The following GRID2 variants were observed in gnomAD, a reference collection of about 807,000 sequenced individuals.
The protein encoded by GRID2 is glutamate receptor ionotropic, delta-2.
Under a neutral mutation model 114.8 loss-of-function variants are expected in GRID2, and 33 were observed. That is an observed-to-expected ratio of 0.29 (90% CI 0.22 to 0.38). The LOEUF (loss-of-function observed/expected upper bound fraction) is 0.38. Ranked by LOEUF, GRID2 falls within the 10% of genes least tolerant of loss-of-function variation. GRID2 has a pLI of 1.00. For synonymous variants in GRID2, 505 were observed against 449.9 expected, an observed-to-expected ratio of 1.12 and a Z score of -1.55; for missense variants, 1,184 against 1,257.7, an observed-to-expected ratio of 0.94 and a Z score of 0.89.
chr4:92,676,251 G>A (rs1358745751), intron 2 of GRID2, among the ~76,000 whole-genome samples: 1 of 1,592 alleles, frequency 6.3e-4, no homozygotes, highest in Non-Finnish European at 1.1e-3. Flanking sequence ...CGCTATCTCG[G>A]CTCACTGCAA....
intron 14 of GRID2, among the ~76,000 whole-genome samples, chr4:93,675,717 A>C (rs564187126): frequency 6.6e-6 from 1 of 152,202 alleles, no homozygotes; most frequent in Non-Finnish European, 1.5e-5. Flanking sequence ...TAGGAGAGAA[A>C]GGGGAAAATG....
At chr4:93,547,993 A>G (rs996919240) in intron 13 of GRID2, among the ~76,000 whole-genome samples, 5 of 152,132 alleles carry the variant, frequency 3.3e-5, no homozygotes, top group African/African-American at 1.2e-4. Context: ...CCTGACCAAG[A>G]TGGCGAAACC....
At chr4:92,548,769 T>C (rs1726414657) in intron 1 of GRID2, among the ~76,000 whole-genome samples, 1 of 152,022 alleles carries the variant, frequency 6.6e-6, no homozygotes, top group African/African-American at 2.4e-5. Context: ...CATGGCAGCA[T>C]CTGGTCATAT....
chr4:92,342,836 C>T (rs1010111925), intron 1 of GRID2, among the ~76,000 whole-genome samples: 1 of 152,112 alleles, frequency 6.6e-6, no homozygotes, highest in Non-Finnish European at 1.5e-5. Context: ...ACTAATTGTG[C>T]TATATTCTCT....
intron 14 of GRID2, among the ~76,000 whole-genome samples, chr4:93,737,868 A>T (rs1247970769): frequency 6.6e-6 from 1 of 152,174 alleles, no homozygotes. Context: ...GAAACTTAAC[A>T]TATTCACTCA....
intron 14 of GRID2, among the ~76,000 whole-genome samples, chr4:93,725,130 C>T (rs1317714676): frequency 6.6e-6 from 1 of 152,102 alleles, no homozygotes; most frequent in Non-Finnish European, 1.5e-5. Flanking sequence ...CTATCACTCA[C>T]CCCTCCCCCC....
At chr4:93,246,231 G>A (rs746357053) in intron 8 of GRID2, among the ~76,000 whole-genome samples, 42 of 152,140 alleles carry the variant, frequency 2.8e-4, no homozygotes, top group Non-Finnish European at 5.4e-4. Context: ...TTCAATTACT[G>A]TCCTAGTTCC....
At chr4:93,191,320 C>G (rs1740961885) in intron 4 of GRID2, among the ~76,000 whole-genome samples, 1 of 152,076 alleles carries the variant, frequency 6.6e-6, no homozygotes, top group South Asian at 2.1e-4. Context: ...TCTTACTACT[C>G]TGTATATCAG....
chr4:93,013,440 C>A (rs1176619789), intron 2 of GRID2, among the ~76,000 whole-genome samples: 3 of 151,898 alleles, frequency 2.0e-5, no homozygotes, highest in Non-Finnish European at 4.4e-5. Flanking sequence ...AGCCTACATA[C>A]ACTATCCATA....
intron 4 of GRID2, among the ~76,000 whole-genome samples, chr4:93,184,052 A>G (rs1338216628): frequency 6.6e-6 from 1 of 152,202 alleles, no homozygotes; most frequent in Non-Finnish European, 1.5e-5. Flanking sequence ...TGAGGAAGTG[A>G]AGCCTTCCCA....
intron 1 of GRID2, among the ~76,000 whole-genome samples, chr4:93,785,680 G>A (rs914172002): frequency 2.6e-5 from 4 of 152,304 alleles, no homozygotes; most frequent in Admixed American, 6.5e-5. Context: ...AGACTTTAAA[G>A]CGGTGACCTG....
intron 2 of GRID2, among the ~76,000 whole-genome samples, chr4:93,062,116 A>C (rs1727860782): frequency 6.6e-6 from 1 of 152,150 alleles, no homozygotes; most frequent in Non-Finnish European, 1.5e-5. Flanking sequence ...TTTTATTCCC[A>C]GGAGCTATAT....
At chr4:92,731,045 T>G (rs1736305446) in intron 2 of GRID2, among the ~76,000 whole-genome samples, 1 of 151,854 alleles carries the variant, frequency 6.6e-6, no homozygotes, top group Admixed American at 6.6e-5. Context: ...TATGTGGTGG[T>G]TTAAGCTTTC....
At chr4:93,103,007 T>C (rs1731846541) in intron 3 of GRID2, among the ~76,000 whole-genome samples, 1 of 151,950 alleles carries the variant, frequency 6.6e-6, no homozygotes, top group Admixed American at 6.6e-5. Flanking sequence ...AAGGAAACAT[T>C]CAGGATGAAC....
intron 10 of GRID2, among the ~76,000 whole-genome samples, chr4:93,445,898 A>G (rs1350306708): frequency 1.3e-5 from 2 of 151,998 alleles, no homozygotes; most frequent in Non-Finnish European, 2.9e-5. Context: ...ATATGATATG[A>G]CAAATAAATA....
chr4:92,709,012 G>T (rs1019466221), intron 2 of GRID2, among the ~76,000 whole-genome samples: 1 of 152,140 alleles, frequency 6.6e-6, no homozygotes, highest in African/African-American at 2.4e-5. Flanking sequence ...CCAGGAAATA[G>T]AACTCACAGG....
Position 93,626,262 on chromosome 4 carries a change from T to C in GRID2, c.2194-7T>C, listed in dbSNP as rs777587991. On this transcript the variant is annotated splice_region_variant and splice_polypyrimidine_tract_variant and intron_variant, in intron 13 of 15. Transcript: ENST00000282020. ...TATTTCTTCTTTTGTTCTTCATTTTTTCACAGGTAAAATATGGAAATTATG... is the reference window on the plus strand; with the variant it reads ...TATTTCTTCTTTTGTTCTTCATTTTCTCACAGGTAAAATATGGAAATTATG... 6.4e-7 allele frequency: 1 copy of C among 1,558,554 alleles called. No individual in the cohort carries two copies.
chr4:93,803,623 G>A (rs759576117), intron 1 of GRID2, among the ~76,000 whole-genome samples: 3 of 152,070 alleles, frequency 2.0e-5, no homozygotes, highest in Non-Finnish European at 4.4e-5. Flanking sequence ...TCGGGAGGCT[G>A]AGGCAGAAGA....
At chr4:93,596,140 G>C (rs1739062349) in intron 13 of GRID2, among the ~76,000 whole-genome samples, 1 of 152,032 alleles carries the variant, frequency 6.6e-6, no homozygotes, top group Non-Finnish European at 1.5e-5. Flanking sequence ...GTTCACTATT[G>C]AGCCATTCAG....
Sources: gnomAD v4.1 joint callset for allele counts (sites outside exome capture counted in the v4.1 genomes callset) on GRCh38, gnomAD v4.1.1 for gene constraint, MANE v1.5 for transcripts, NCBI Gene and HGNC (gene_info 2026-07-23, HGNC 2026-07-21) for gene names.